CALCR: variants seen among roughly 807,000 people sequenced by gnomAD.
CALCR encodes calcitonin receptor.
In CALCR, 47 loss-of-function variants were observed where a neutral mutation model predicts 59.5. The ratio of observed to expected loss-of-function variants is 0.79; its 90% CI spans 0.63 to 1.01. CALCR has a LOEUF of 1.01. Among genes scored for constraint, CALCR ranks in the 50% least tolerant of loss-of-function variants. CALCR has a pLI of 0.00. For missense variants in CALCR, 566 were observed against 597.1 expected (o/e 0.95, Z 0.54); for synonymous variants, 213 against 211.3 (o/e 1.01, Z -0.07).
chr7:93,467,674 A>G (rs556330381), intron 7 of CALCR, among the ~76,000 whole-genome samples: 2 of 151,710 alleles, frequency 1.3e-5, no homozygotes, highest in South Asian at 4.1e-4. Context: ...CCCTCATTCT[A>G]TATGTGAATC....
At chr7:93,547,482 T>C (rs1198360321) in intron 2 of CALCR, among the ~76,000 whole-genome samples, 1 of 152,192 alleles carries the variant, frequency 6.6e-6, no homozygotes, top group Non-Finnish European at 1.5e-5. Flanking sequence ...ATAATTTTTG[T>C]AGGTGGCTTT....
intron 8 of CALCR, among the ~76,000 whole-genome samples, chr7:93,453,303 A>G (rs953754345): frequency 3.9e-5 from 6 of 152,080 alleles, no homozygotes; most frequent in Non-Finnish European, 8.8e-5. Context: ...GAAAGGTACT[A>G]TTATGATCTC....
intron 7 of CALCR, among the ~76,000 whole-genome samples, chr7:93,461,437 G>C (rs550415122): frequency 1.3e-5 from 2 of 152,276 alleles, no homozygotes; most frequent in South Asian, 2.1e-4. Flanking sequence ...CACACTTCAC[G>C]TCTCCTGGCA....
At chr7:93,517,433 C>G (rs1801673633) in intron 2 of CALCR, among the ~76,000 whole-genome samples, 1 of 151,388 alleles carries the variant, frequency 6.6e-6, no homozygotes, top group Non-Finnish European at 1.5e-5. Flanking sequence ...ATTAAATAAT[C>G]ATATATTATA....
chr7:93,483,404 A>G (rs1800844665), intron 3 of CALCR, among the ~76,000 whole-genome samples: 1 of 144,420 alleles, frequency 6.9e-6, no homozygotes, highest in African/African-American at 2.6e-5. Flanking sequence ...CAGAGGGCTG[A>G]CTGTATAGAT....
In CALCR at chr7:93,488,582, G is replaced by GCAAAAAAAAAAAAAAAAAAAAAAAA. The variant is rs770479251; in HGVS notation, c.-26-1576_-26-1575insTTTTTTTTTTTTTTTTTTTTTTTTG. 1.9e-3 allele frequency among the ~76,000 whole-genome samples: 149 copies of GCAAAAAAAAAAAAAAAAAAAAAAAA among 77,960 alleles called. 17 individuals are homozygous for GCAAAAAAAAAAAAAAAAAAAAAAAA. Among genetic ancestry groups the GCAAAAAAAAAAAAAAAAAAAAAAAA allele is most frequent in the Non-Finnish European group, 2.2e-3 (92 of 41,062 alleles). The allele number at this position is 77,960 out of a possible 152,430, so 51.1% of individuals were successfully genotyped here. ...GGAAAATTTACCAAGCAAATGGAAAGAAAAAAAAAAAAAAAAAAAGCATGG... is the reference window on the plus strand; with the variant it reads ...GGAAAATTTACCAAGCAAATGGAAAGCAAAAAAAAAAAAAAAAAAAAAAAAAAAAAAAAAAAAAAAAAAAGCATGG... On this transcript the variant is annotated intron_variant, in intron 2 of 13. Transcript: ENST00000426151.
chr7:93,455,093 A>T (rs1800183667), intron 8 of CALCR, among the ~76,000 whole-genome samples: 1 of 152,054 alleles, frequency 6.6e-6, no homozygotes, highest in Admixed American at 6.6e-5. Flanking sequence ...GAGGAAAATC[A>T]TTGCTGATTC....
chr7:93,433,919 G>GT (rs1389038004), intron 13 of CALCR, among the ~76,000 whole-genome samples: 1 of 152,352 alleles, frequency 6.6e-6, no homozygotes, highest in African/African-American at 2.4e-5. Context: ...CTCTGCCCTA[G>GT]TGAGGGCTCG....
intron 13 of CALCR, among the ~76,000 whole-genome samples, chr7:93,433,572 G>T (rs1263814934): frequency 2.6e-5 from 4 of 152,132 alleles, no homozygotes; most frequent in African/African-American, 9.7e-5. Context: ...AAATGAGGAA[G>T]ATTTTGAATC....
Position 93,426,526 on chromosome 7 carries a change from T to TC in CALCR, c.1254dup (p.Arg419GlufsTer32). The TC allele has an allele frequency of 6.2e-7, 1 of 1,613,116 alleles. No individual in the cohort carries two copies. Reference sequence around the variant, plus strand: ...CGAGCAGAGCGGTTGGAGGGGCGCCTCCCCCAACGCTGGTTCCACTGAATT... The same window carrying TC: ...CGAGCAGAGCGGTTGGAGGGGCGCCTCCCCCCAACGCTGGTTCCACTGAATT... On this transcript the variant is annotated frameshift_variant, in exon 14 of 14. Transcript: ENST00000426151. LOFTEE classifies it low-confidence loss of function (END_TRUNC).
At chr7:93,438,367 G>T in intron 9 of CALCR, 97 bp from the exon 10 acceptor site, 1 of 884,312 alleles carries the variant, frequency 1.1e-6, no homozygotes, top group Non-Finnish European at 1.9e-6. Flanking sequence ...AAAAATACTG[G>T]CAAATTGAGT....
chr7:93,544,188 C>A (rs1249103082), intron 2 of CALCR, among the ~76,000 whole-genome samples: 2 of 151,288 alleles, frequency 1.3e-5, no homozygotes, highest in Admixed American at 6.6e-5. Context: ...AAAAATAATG[C>A]CAAAATTAAT....
intron 8 of CALCR, among the ~76,000 whole-genome samples, chr7:93,456,829 G>A (rs1800219124): frequency 6.6e-6 from 1 of 151,956 alleles, no homozygotes; most frequent in Non-Finnish European, 1.5e-5. Flanking sequence ...AGTGTGTTTG[G>A]GTGAATCAAT....
intron 5 of CALCR, among the ~76,000 whole-genome samples, chr7:93,473,818 CTTA>C (rs1306910164): frequency 6.6e-6 from 1 of 151,482 alleles, no homozygotes; most frequent in African/African-American, 2.4e-5. Context: ...TCCCATCAGG[CTTA>C]TTATTTTTTC....
chr7:93,460,574 T>TATATATATATATATAC (rs1562982449), intron 8 of CALCR, among the ~76,000 whole-genome samples: 17 of 90,554 alleles, frequency 1.9e-4, no homozygotes, highest in African/African-American at 1.1e-3. Flanking sequence ...AAAAAAAAAA[T>TATATATATATATATAC]ATATATATAT....
At chr7:93,564,219 A>T (rs1789808955) in intron 2 of CALCR, among the ~76,000 whole-genome samples, 1 of 152,102 alleles carries the variant, frequency 6.6e-6, no homozygotes, top group Admixed American at 6.6e-5. Flanking sequence ...TACCAGAAAG[A>T]GAGCACTTTG....
intron 3 of CALCR, among the ~76,000 whole-genome samples, chr7:93,480,979 GA>G (rs1410569374): frequency 2.0e-5 from 3 of 151,764 alleles, no homozygotes; most frequent in African/African-American, 7.3e-5. Context: ...TGCATTATCT[GA>G]ATCTTCAGAT....
chr7:93,487,158 T>C, intron 2 of CALCR, 151 bp from the exon 3 acceptor site: 1 of 561,460 alleles, frequency 1.8e-6, no homozygotes, highest in African/African-American at 2.0e-5. Flanking sequence ...AGTATGCTTG[T>C]GATGCAAATG....
At chr7:93,491,825 T>C (rs533285490) in intron 2 of CALCR, among the ~76,000 whole-genome samples, 5 of 152,036 alleles carry the variant, frequency 3.3e-5, no homozygotes, top group Non-Finnish European at 7.4e-5. Context: ...AGTTCAATCA[T>C]TGTAGAAGAT....
Sources: allele counts gnomAD v4.1 joint callset (sites outside exome capture counted in the v4.1 genomes callset), GRCh38; gene constraint gnomAD v4.1.1; transcripts MANE v1.5; gene names NCBI Gene and HGNC (gene_info 2026-07-23, HGNC 2026-07-21).